TRAPPC8: variants seen among roughly 807,000 people sequenced by gnomAD.
TRAPPC8 encodes general sporulation gene 1 homolog.
In TRAPPC8, 54 loss-of-function variants were observed where a neutral mutation model predicts 174.3. That is an observed-to-expected ratio of 0.31 (90% CI 0.25 to 0.39). The LOEUF is 0.39. TRAPPC8 is among the 10% of genes least tolerant of loss of function. The probability of loss-of-function intolerance (pLI) is 1.00; values close to 1 mark genes in which losing one functional copy is unlikely to be tolerated. For synonymous variants in TRAPPC8, 630 were observed against 579.9 expected (o/e 1.09, Z -1.24); for missense variants, 1,531 against 1,699.1 (o/e 0.90, Z 1.74).
At chr18:31,935,080 C>T (rs2038024310) in intron 1 of TRAPPC8, among the ~76,000 whole-genome samples, 1 of 152,012 alleles carries the variant, frequency 6.6e-6, no homozygotes, top group Non-Finnish European at 1.5e-5. Flanking sequence ...CGTGATGGCT[C>T]ATGCCTGTAA....
rs751724166 is a variant in TRAPPC8, at chr18:31,849,610, G to T, written c.3691C>A (p.Gln1231Lys). The change falls in exon 25 of 29, where the codon CAA becomes AAA. Residue 1231 changes from glutamine (Q) to lysine (K), a missense_variant. Physicochemically the swap from Gln to Lys is moderately conservative, Grantham distance 53 (BLOSUM62 1). Transcript: ENST00000283351. ...QSTEDAVRLI[Q>K]KCSEVDLNIV... ...TTCAAATCTACCTCACTGCATTTTTGAATCAATCTCACAGCATCCTCTGTT... is the reference window on the plus strand; with the variant it reads ...TTCAAATCTACCTCACTGCATTTTTTAATCAATCTCACAGCATCCTCTGTT... 25 of 1,610,196 alleles carry T rather than the reference G, an allele frequency of 1.6e-5. 1 individual carries two copies. Among genetic ancestry groups the T allele is most frequent in the South Asian group, 8.9e-5 (8 of 90,128 alleles).
chr18:31,848,399 ACACGG>A (rs2033523132), intron 25 of TRAPPC8, among the ~76,000 whole-genome samples: 1 of 152,240 alleles, frequency 6.6e-6, no homozygotes, highest in Non-Finnish European at 1.5e-5. Context: ...ATAGATTGCT[ACACGG>A]CATAAACCTA....
chr18:31,874,405 A>T, intron 13 of TRAPPC8, 75 bp downstream of exon 13: 1 of 1,395,634 alleles, frequency 7.2e-7, no homozygotes, highest in Non-Finnish European at 1.0e-6. Context: ...CTATCGTAAG[A>T]TATGGTAATA....
chr18:31,932,907 G>A (rs1248959746), intron 1 of TRAPPC8, among the ~76,000 whole-genome samples: 2 of 151,446 alleles, frequency 1.3e-5, no homozygotes, highest in African/African-American at 2.4e-5. Flanking sequence ...ACTTGAATGC[G>A]GAGGCTGCAG....
chr18:31,841,663 A>T (rs1193637365), intron 26 of TRAPPC8, among the ~76,000 whole-genome samples: 1 of 152,220 alleles, frequency 6.6e-6, no homozygotes, highest in Admixed American at 6.5e-5. Context: ...ACTTAAAATT[A>T]TAATTTTATA....
chr18:31,901,824 T>C (rs945736465), intron 9 of TRAPPC8, among the ~76,000 whole-genome samples: 9 of 152,206 alleles, frequency 5.9e-5, no homozygotes, highest in Non-Finnish European at 1.0e-4. Context: ...TACGTGAATG[T>C]TGTGTGGCAG....
At chr18:31,942,369 G>A (rs1230201164) in intron 1 of TRAPPC8, among the ~76,000 whole-genome samples, 2 of 152,198 alleles carry the variant, frequency 1.3e-5, no homozygotes, top group African/African-American at 2.4e-5. Context: ...TAACGACCTA[G>A]GTTGTCCGAG....
Position 31,852,350 on chromosome 18 carries a change from A to T in TRAPPC8, c.3561+96T>A, listed in dbSNP as rs1005856632. 284 of 1,408,452 alleles carry T rather than the reference A, an allele frequency of 2.0e-4. 1 individual carries two copies. Among genetic ancestry groups the T allele is most frequent in the Non-Finnish European group, 2.1e-4 (211 of 1,016,126 alleles). The allele number at this position is 1,408,452 out of a possible 1,614,324, so 87.2% of individuals were successfully genotyped here. ...AGACCTTGTCTCCCCCCCAAAAAAA[A>T]GCGTTTGGGAATTACTGCGATAAGC... On this transcript the variant is annotated intron_variant, in intron 24 of 28. Coordinates refer to ENST00000283351, the MANE Select transcript of TRAPPC8 (RefSeq NM_014939.5).
chr18:31,832,825 A>AT (rs1056212555), intron 27 of TRAPPC8, among the ~76,000 whole-genome samples: 5 of 152,206 alleles, frequency 3.3e-5, no homozygotes, highest in Admixed American at 2.6e-4. Context: ...TGAATATAAC[A>AT]TGTACAAATG....
rs766604441 is a variant in TRAPPC8, at chr18:31,931,322, T to TA, written c.352+6dup. 14 of 1,532,470 alleles carry TA rather than the reference T, an allele frequency of 9.1e-6. No homozygotes were observed. The East Asian group carries it at 3.2e-4, about 35-fold the overall frequency. 94.9% of individuals were successfully genotyped at this position (1,532,470 alleles called of 1,614,324 possible). A position where few individuals can be genotyped will look rare whatever the true frequency, so the allele number is the denominator to read the frequency against. ...CTCAAAAAATAACAATAAACCTTGT[T>TA]ACATACCACTGATGTTAAGGTCATA... On this transcript the variant is annotated splice_region_variant and intron_variant, in intron 2 of 28. Transcript: ENST00000283351.
intron 1 of TRAPPC8, among the ~76,000 whole-genome samples, chr18:31,940,394 G>A (rs931546708): frequency 4.6e-5 from 7 of 152,076 alleles, no homozygotes; most frequent in Admixed American, 2.0e-4. Flanking sequence ...GAACCTGGGA[G>A]GCAGAGGTTG....
intron 26 of TRAPPC8, among the ~76,000 whole-genome samples, chr18:31,841,458 T>C (rs1393876675): frequency 6.6e-6 from 1 of 152,068 alleles, no homozygotes; most frequent in Non-Finnish European, 1.5e-5. Flanking sequence ...TCTGATACAA[T>C]GTAATAGCCT....
In TRAPPC8 at chr18:31,908,310, C is replaced by T; in HGVS notation, c.1231G>A (p.Gly411Ser). ...TGATAACACTTTACTCACAGCAAGCCAGATGTATTTTTCAGGTCATTAATG... is the reference window on the plus strand; with the variant it reads ...TGATAACACTTTACTCACAGCAAGCTAGATGTATTTTTCAGGTCATTAATG... ...KSINDLKNTS[G>S]LLYPPEAPEL... is the part of the protein sequence containing the mutation. Residue 411 changes from glycine to serine, a missense_variant, in exon 8 of 29, where the codon GGC becomes AGC. Physicochemically the swap from Gly to Ser is moderately conservative, Grantham distance 56. Coordinates refer to ENST00000283351, the MANE Select transcript of TRAPPC8 (RefSeq NM_014939.5). The T allele has an allele frequency of 6.3e-7, 1 of 1,595,608 alleles. No individual in the cohort carries two copies. The highest frequency in any genetic ancestry group is 8.5e-7 in the Non-Finnish European group (1 of 1,171,904).
intron 26 of TRAPPC8, among the ~76,000 whole-genome samples, chr18:31,845,962 A>G (rs1217012583): frequency 6.6e-6 from 1 of 152,180 alleles, no homozygotes; most frequent in African/African-American, 2.4e-5. Context: ...AGCATACTCA[A>G]TGCTATCAGC....
chr18:31,863,309 G>A (rs1160117813), intron 19 of TRAPPC8, among the ~76,000 whole-genome samples: 2 of 152,154 alleles, frequency 1.3e-5, no homozygotes, highest in African/African-American at 2.4e-5. Context: ...AGGTTATTTT[G>A]TAGTGTATTG....
intron 12 of TRAPPC8, 86 bp from the exon 13 acceptor site, chr18:31,874,790 A>G (rs2035062025): frequency 1.8e-6 from 2 of 1,097,448 alleles, no homozygotes; most frequent in Non-Finnish European, 2.6e-6. Context: ...CATAGAAACA[A>G]TTAAGTAACT....
chr18:31,899,935 A>G (rs951681694), intron 10 of TRAPPC8, among the ~76,000 whole-genome samples: 1 of 150,548 alleles, frequency 6.6e-6, no homozygotes, highest in Non-Finnish European at 1.5e-5. Context: ...ACAATGCGAG[A>G]CTGTCTCAAA....
intron 22 of TRAPPC8, among the ~76,000 whole-genome samples, chr18:31,853,093 TTTAAG>T (rs1331386334): frequency 2.6e-5 from 4 of 152,202 alleles, no homozygotes; most frequent in African/African-American, 9.7e-5. Flanking sequence ...AAAATGGTAC[TTTAAG>T]TAATTTCTGG....
At chr18:31,887,074 C>G (rs1004375146) in intron 12 of TRAPPC8, among the ~76,000 whole-genome samples, 2 of 152,154 alleles carry the variant, frequency 1.3e-5, no homozygotes, top group Non-Finnish European at 2.9e-5. Flanking sequence ...TCTCACTCAT[C>G]CCTACCAATA....
Sources: gnomAD v4.1 joint callset for allele counts (sites outside exome capture counted in the v4.1 genomes callset) on GRCh38, gnomAD v4.1.1 for gene constraint, MANE v1.5 for transcripts, NCBI Gene and HGNC (gene_info 2026-07-23, HGNC 2026-07-21) for gene names.